Variants in RAPGEF5 observed in about 807,000 individuals in gnomAD.
RAPGEF5 encodes M-Ras-regulated GEF.
Under a neutral mutation model 125.2 loss-of-function variants are expected in RAPGEF5, and 65 were observed. The ratio of observed to expected loss-of-function variants is 0.52; its 90% CI spans 0.43 to 0.64. The LOEUF (loss-of-function observed/expected upper bound fraction) is 0.64. Ranked by LOEUF, RAPGEF5 falls within the 30% of genes least tolerant of loss-of-function variation. The probability of loss-of-function intolerance (pLI) is 0.00; values close to 1 mark genes in which losing one functional copy is unlikely to be tolerated. For synonymous variants in RAPGEF5, 391 were observed against 385.9 expected (o/e 1.01, Z -0.16); for missense variants, 958 against 1,048.1 (o/e 0.91, Z 1.19).
intron 11 of RAPGEF5, among the ~76,000 whole-genome samples, chr7:22,191,203 G>C (rs1784985644): frequency 6.6e-6 from 1 of 151,920 alleles, no homozygotes; most frequent in Non-Finnish European, 1.5e-5. Flanking sequence ...TCTTCAATTT[G>C]CACATGACAT....
intron 1 of RAPGEF5, among the ~76,000 whole-genome samples, chr7:22,345,930 G>T (rs1326524047): frequency 6.6e-6 from 1 of 152,048 alleles, no homozygotes; most frequent in Non-Finnish European, 1.5e-5. Context: ...TTACTCTTTT[G>T]ATATGACAGA....
intron 11 of RAPGEF5, among the ~76,000 whole-genome samples, chr7:22,181,599 TAGATTATGACA>T (rs1267885085): frequency 3.3e-5 from 5 of 152,186 alleles, no homozygotes; most frequent in African/African-American, 9.6e-5. Context: ...TGTCACTATT[TAGATTATGACA>T]AGATGTTCTG....
intron 1 of RAPGEF5, among the ~76,000 whole-genome samples, chr7:22,352,230 C>T (rs12536545): frequency 0.44 from 66,661 of 151,818 alleles, 14,940 homozygotes; most frequent in East Asian, 0.51. Flanking sequence ...ACAGTATATA[C>T]AGAAAAAGGG....
At position 22,122,381 on chromosome 7, in the gene RAPGEF5, T is replaced by A. The variant is rs190569184; in HGVS notation, c.*25A>T. 8 of 1,549,944 alleles carry A rather than the reference T, an allele frequency of 5.2e-6. No individual in the cohort carries two copies. The Admixed American group carries it at 6.7e-5, about 13-fold the overall frequency. ...TTCCCGTAGCTCAAAGTGCTGCAGA[T>A]ACAGGGGAGGTGAGGCAGTGGGGCT... On this transcript the variant is annotated 3_prime_UTR_variant, in exon 26 of 26. Coordinates refer to ENST00000665637, the MANE Select transcript of RAPGEF5 (RefSeq NM_012294.5).
chr7:22,139,754 G>C (rs140427882), intron 21 of RAPGEF5: 141 of 333,954 alleles, frequency 4.2e-4, no homozygotes, highest in South Asian at 1.6e-3. Context: ...TCATCATGCG[G>C]GGAGACTGTG....
In RAPGEF5 at chr7:22,267,420, T is replaced by C. The variant is rs147801439; in HGVS notation, c.748-408A>G. Among the ~76,000 whole-genome samples the C allele has an allele frequency of 1.3e-3, 202 of 152,308 alleles. 2 individuals are homozygous for C. The highest frequency in any genetic ancestry group is 4.8e-3 in the African/African-American group (198 of 41,566). On this transcript the variant is annotated intron_variant, in intron 6 of 25. Transcript: ENST00000665637. ...AAGATGCTAGTTTATAAAGAAATTCTAGTAAAGTTGATATAGGTAATCCTG... is the reference window on the plus strand; with the variant it reads ...AAGATGCTAGTTTATAAAGAAATTCCAGTAAAGTTGATATAGGTAATCCTG...
At position 22,120,092 on chromosome 7, in the gene RAPGEF5, G is replaced by A. The variant is rs1782540429; in HGVS notation, c.*2314C>T. ...ACTTCAGAAAGATGCAGAGATTTTA[G>A]ACATTCAGAAGACAAGGATGGAAAA... On this transcript the variant is annotated 3_prime_UTR_variant, in exon 26 of 26. Coordinates refer to ENST00000665637, the MANE Select transcript of RAPGEF5 (RefSeq NM_012294.5). This position sits in a 1 kb window ranked among gnomAD's most constrained non-coding sequence, Gnocchi z 4.0. 6.6e-6 allele frequency: 1 copy of A among 152,190 alleles called. No individual in the cohort carries two copies. Among genetic ancestry groups the A allele is most frequent in the Non-Finnish European group, 1.5e-5 (1 of 68,044 alleles). 9.4% of individuals were successfully genotyped at this position (152,190 alleles called of 1,614,324 possible).
At chr7:22,132,135 G>A (rs1198168773) in intron 23 of RAPGEF5, among the ~76,000 whole-genome samples, 1 of 152,088 alleles carries the variant, frequency 6.6e-6, no homozygotes, top group African/African-American at 2.4e-5. Context: ...CCTATAAATA[G>A]AAAAAGAATG....
intron 24 of RAPGEF5, among the ~76,000 whole-genome samples, chr7:22,128,219 G>A (rs190050347): frequency 1.4e-3 from 214 of 152,232 alleles, no homozygotes; most frequent in Admixed American, 3.2e-3. Context: ...TCTTAACATC[G>A]AGGGATAAAG....
At chr7:22,347,238 T>C (rs1183642288) in intron 1 of RAPGEF5, among the ~76,000 whole-genome samples, 2 of 152,188 alleles carry the variant, frequency 1.3e-5, no homozygotes, top group Non-Finnish European at 1.5e-5. Flanking sequence ...TTCTCACATT[T>C]AGATCATTAC....
At chr7:22,221,668 G>A (rs1191290752) in intron 8 of RAPGEF5, among the ~76,000 whole-genome samples, 1 of 152,084 alleles carries the variant, frequency 6.6e-6, no homozygotes, top group Non-Finnish European at 1.5e-5. Context: ...CCCTGCACAA[G>A]CTCTCTTGCC....
intron 7 of RAPGEF5, among the ~76,000 whole-genome samples, chr7:22,261,925 T>C (rs1782165792): frequency 6.6e-6 from 1 of 152,028 alleles, no homozygotes; most frequent in Non-Finnish European, 1.5e-5. Context: ...ATCATGGACT[T>C]AAATGTAAAA....
chr7:22,282,635 C>A (rs540453947), intron 6 of RAPGEF5, among the ~76,000 whole-genome samples: 1 of 152,126 alleles, frequency 6.6e-6, no homozygotes, highest in East Asian at 1.9e-4. Context: ...GGTAATACAC[C>A]CTGTCATGTG....
intron 11 of RAPGEF5, among the ~76,000 whole-genome samples, chr7:22,171,641 G>A (rs1182870949): frequency 6.6e-6 from 1 of 152,188 alleles, no homozygotes; most frequent in Non-Finnish European, 1.5e-5. Flanking sequence ...TGGGACTACA[G>A]GTGTGCGCTA....
At chr7:22,138,393 A>G (rs888888817) in intron 21 of RAPGEF5, among the ~76,000 whole-genome samples, 1 of 152,058 alleles carries the variant, frequency 6.6e-6, no homozygotes, top group African/African-American at 2.4e-5. Context: ...CAACCTAAAC[A>G]TTTTTCCTCG....
chr7:22,337,577 T>C (rs116099030), intron 1 of RAPGEF5, among the ~76,000 whole-genome samples: 2,102 of 152,300 alleles, frequency 0.014, 45 homozygotes, highest in African/African-American at 0.047. Context: ...AGAGCTATTA[T>C]CATTTAAACT....
intron 9 of RAPGEF5, among the ~76,000 whole-genome samples, chr7:22,203,318 A>G (rs188162260): frequency 1.2e-4 from 18 of 152,300 alleles, no homozygotes; most frequent in African/African-American, 4.1e-4. Context: ...CAAGAAGTGT[A>G]CACCTCTAGA....
chr7:22,150,883 T>C (rs1783604501), intron 17 of RAPGEF5, among the ~76,000 whole-genome samples: 3 of 152,250 alleles, frequency 2.0e-5, no homozygotes, highest in South Asian at 2.1e-4. Context: ...TGTATATATA[T>C]ACACACACAA....
chr7:22,281,525 A>G (rs1423322879), intron 6 of RAPGEF5, among the ~76,000 whole-genome samples: 1 of 152,218 alleles, frequency 6.6e-6, no homozygotes, highest in African/African-American at 2.4e-5. Flanking sequence ...AGAAGATAAT[A>G]TCTAAAGCCG....
Sources: allele counts gnomAD v4.1 joint callset (sites outside exome capture counted in the v4.1 genomes callset), GRCh38; gene constraint gnomAD v4.1.1; non-coding constraint Gnocchi (gnomAD v3.1); transcripts MANE v1.5; gene names NCBI Gene and HGNC (gene_info 2026-07-23, HGNC 2026-07-21).